RBMS1: variants seen among roughly 807,000 people sequenced by gnomAD.
RBMS1 encodes the protein RNA binding motif single stranded interacting protein 1.
In RBMS1, 17 loss-of-function variants were observed where a neutral mutation model predicts 62.3. The ratio of observed to expected loss-of-function variants is 0.27; its 90% CI spans 0.19 to 0.41. The LOEUF (loss-of-function observed/expected upper bound fraction) is 0.41. RBMS1 is among the 10% of genes least tolerant of loss of function. RBMS1 has a pLI of 1.00. For missense variants in RBMS1, 334 were observed against 504.5 expected (o/e 0.66, Z 3.24); for synonymous variants, 172 against 170.0 (o/e 1.01, Z -0.09).
At chr2:160,471,112 C>T (rs1684895711) in intron 1 of RBMS1, among the ~76,000 whole-genome samples, 1 of 152,158 alleles carries the variant, frequency 6.6e-6, no homozygotes, top group African/African-American at 2.4e-5. Context: ...ACCACCAGTT[C>T]TAACTGGAAC....
chr2:160,445,756 G>A (rs1479055256), intron 1 of RBMS1, among the ~76,000 whole-genome samples: 16 of 152,192 alleles, frequency 1.1e-4, no homozygotes, highest in African/African-American at 2.2e-4. Context: ...GTTCAGAGGC[G>A]GTGATGAGAG....
At chr2:160,492,361 A>C (rs1303726855) in intron 1 of RBMS1, among the ~76,000 whole-genome samples, 1 of 152,168 alleles carries the variant, frequency 6.6e-6, no homozygotes, top group East Asian at 1.9e-4. Context: ...TTATTGTAAA[A>C]ATAAGATAGG....
In RBMS1 at chr2:160,318,182, C is replaced by T. The variant is rs1430; in HGVS notation, c.297G>A (p.Thr99=). 0.29 allele frequency: 438,553 copies of T among 1,519,546 alleles called. 65,325 individuals carry two copies. Among genetic ancestry groups the T allele is most frequent in the East Asian group, 0.53 (20,886 of 39,488 alleles). 94.1% of individuals were successfully genotyped at this position (1,519,546 alleles called of 1,614,324 possible). Residue 99 remains threonine, a synonymous_variant, in exon 3 of 14, where the codon ACG becomes ACA. Coordinates refer to ENST00000348849, the MANE Select transcript of RBMS1 (RefSeq NM_016836.4). ...VSTKAILDKT[T]NKCKGYGFVD... ...AAGAAAACATACCTTTGCATTTGTT[C>T]GTTGTCTTATCCAAAATTGCCTTTG...
At chr2:160,331,465 T>C (rs1189274526) in intron 2 of RBMS1, among the ~76,000 whole-genome samples, 1 of 152,204 alleles carries the variant, frequency 6.6e-6, no homozygotes, top group Non-Finnish European at 1.5e-5. Context: ...AGCACACTGC[T>C]ACATTATCTG....
At chr2:160,360,572 A>G (rs1177933133) in intron 2 of RBMS1, among the ~76,000 whole-genome samples, 2 of 152,156 alleles carry the variant, frequency 1.3e-5, no homozygotes, top group Admixed American at 1.3e-4. Flanking sequence ...AACCCCGGGT[A>G]ACTAACAACT....
At chr2:160,458,152 T>C (rs7421218) in intron 1 of RBMS1, among the ~76,000 whole-genome samples, 4 of 151,674 alleles carry the variant, frequency 2.6e-5, no homozygotes, top group African/African-American at 9.7e-5. Context: ...TTCATAGAGA[T>C]AGAATCTCAC....
At chr2:160,313,323 T>C in intron 3 of RBMS1, 76 bp from the exon 4 acceptor site, 1 of 1,402,990 alleles carries the variant, frequency 7.1e-7, no homozygotes, top group Non-Finnish European at 9.8e-7. Flanking sequence ...ACAGCTCTAC[T>C]TTGTTTCTGG....
intron 2 of RBMS1, among the ~76,000 whole-genome samples, chr2:160,349,181 A>G (rs182743568): frequency 6.6e-6 from 1 of 152,218 alleles, no homozygotes; most frequent in Non-Finnish European, 1.5e-5. Context: ...TCTATTTATT[A>G]GCAATTCTGC....
intron 1 of RBMS1, among the ~76,000 whole-genome samples, chr2:160,399,899 T>C (rs1267477477): frequency 6.6e-6 from 1 of 152,152 alleles, no homozygotes; most frequent in Non-Finnish European, 1.5e-5. Flanking sequence ...AGGCTACATA[T>C]TTGCTCCCAA....
At chr2:160,463,025 A>G (rs1170859447) in intron 1 of RBMS1, among the ~76,000 whole-genome samples, 1 of 152,224 alleles carries the variant, frequency 6.6e-6, no homozygotes, top group South Asian at 2.1e-4. Context: ...AAGGAAAATC[A>G]TAGCAAGGAA....
At chr2:160,403,755 C>T (rs1049273007) in intron 1 of RBMS1, among the ~76,000 whole-genome samples, 1 of 152,158 alleles carries the variant, frequency 6.6e-6, no homozygotes, top group Non-Finnish European at 1.5e-5. Context: ...GGACAACATA[C>T]TGCTTAGCAA....
intron 4 of RBMS1, among the ~76,000 whole-genome samples, chr2:160,310,246 T>G (rs1322688614): frequency 6.6e-6 from 1 of 152,234 alleles, no homozygotes; most frequent in African/African-American, 2.4e-5. Flanking sequence ...TGCACACATA[T>G]AACAAATGGT....
intron 1 of RBMS1, among the ~76,000 whole-genome samples, chr2:160,371,574 T>C (rs1377722724): frequency 1.3e-5 from 2 of 152,230 alleles, no homozygotes; most frequent in Non-Finnish European, 2.9e-5. Context: ...ATAATATTTA[T>C]ATGGGCTTAA....
At chr2:160,400,904 G>A (rs900572819) in intron 1 of RBMS1, among the ~76,000 whole-genome samples, 6 of 152,236 alleles carry the variant, frequency 3.9e-5, no homozygotes, top group East Asian at 1.9e-4. Flanking sequence ...ACCTTCATGC[G>A]TGATTGAAAT....
chr2:160,359,549 A>G (rs1693010261), intron 2 of RBMS1, among the ~76,000 whole-genome samples: 1 of 152,174 alleles, frequency 6.6e-6, no homozygotes. Flanking sequence ...ATTGAAAATA[A>G]GGGCTCTCCT....
chr2:160,367,108 T>A, intron 2 of RBMS1, 108 bp downstream of exon 2: 1 of 1,115,986 alleles, frequency 9.0e-7, no homozygotes, highest in African/African-American at 1.6e-5. Context: ...ACACTGAGAG[T>A]CCACAGATAC....
chr2:160,474,917 GAT>G (rs1410325235), intron 1 of RBMS1, among the ~76,000 whole-genome samples: 3 of 152,178 alleles, frequency 2.0e-5, no homozygotes, highest in Non-Finnish European at 4.4e-5. Context: ...TTTATGGTGT[GAT>G]AATCTTTCAC....
intron 9 of RBMS1, chr2:160,281,875 A>G (rs139082568): frequency 2.1e-4 from 38 of 182,150 alleles, no homozygotes; most frequent in African/African-American, 5.9e-4. Context: ...GAAATCTTGT[A>G]TTGTGGTCAA....
chr2:160,296,930 TA>T (rs1371830415), intron 6 of RBMS1, among the ~76,000 whole-genome samples: 1 of 152,158 alleles, frequency 6.6e-6, no homozygotes, highest in Non-Finnish European at 1.5e-5. Context: ...GTATTTGGGA[TA>T]AATCTTCTTG....
Sources: allele counts gnomAD v4.1 joint callset (sites outside exome capture counted in the v4.1 genomes callset), GRCh38; gene constraint gnomAD v4.1.1; transcripts MANE v1.5; gene names NCBI Gene and HGNC (gene_info 2026-07-23, HGNC 2026-07-21).